PPP6R3: variants seen among roughly 807,000 people sequenced by gnomAD.
The protein encoded by PPP6R3 is protein phosphatase 6 regulatory subunit 3.
A neutral mutation model predicts 110.7 loss-of-function variants in PPP6R3; 38 were observed. The observed-to-expected ratio is 0.34, with a 90% CI of 0.26 to 0.45. The LOEUF (loss-of-function observed/expected upper bound fraction) is 0.45, where lower values mean the gene tolerates loss of function less well. Ranked by LOEUF, PPP6R3 falls within the 20% of genes least tolerant of loss-of-function variation. The pLI is 1.00. For synonymous variants in PPP6R3, 369 were observed against 373.5 expected (o/e 0.99, Z 0.14); for missense variants, 870 against 1,062.4 (o/e 0.82, Z 2.52).
chr11:68,569,608 A>AC lies in PPP6R3; in HGVS notation c.1129-139dup, dbSNP rs1278949664. ...TGTGGTTATGCAAGTACTAATGTGA[A>AC]CTCAGGTTCCTTTTAATTGGTCCTT... On this transcript the variant is annotated intron_variant, in intron 10 of 23. Coordinates refer to ENST00000393800, the MANE Select transcript of PPP6R3 (RefSeq NM_001164161.2). The AC allele has an allele frequency of 2.4e-5, 16 of 675,010 alleles. No individual in the cohort carries two copies. In the Admixed American group the frequency reaches 5.3e-4, roughly 22 times the overall value. The allele number at this position is 675,010 out of a possible 1,614,324, so 41.8% of individuals were successfully genotyped here.
chr11:68,466,493 C>T (rs1205103898), intron 1 of PPP6R3, among the ~76,000 whole-genome samples: 2 of 145,938 alleles, frequency 1.4e-5, no homozygotes, highest in East Asian at 4.0e-4. Flanking sequence ...GGCTGGAGTG[C>T]AGTGGCGTGG....
chr11:68,564,331 C>T lies in PPP6R3; in HGVS notation c.874C>T (p.Pro292Ser). The T allele has an allele frequency of 6.2e-7, 1 of 1,612,720 alleles. No individual in the cohort carries two copies. The highest frequency in any genetic ancestry group is 1.3e-5 in the African/African-American group (1 of 75,004). Residue 292 changes from proline to serine, a missense_variant, in exon 9 of 24, where the codon CCA becomes TCA. Transcript: ENST00000393800. ...TGAAGGCCATATAGAGATCTGCCCA[C>T]CAGGCATGAGCCATTCAGCTTGTTC... ...TFEGHIEICPPGMSHSACSVN... is the reference protein window; with the variant it reads ...TFEGHIEICPSGMSHSACSVN...
intron 16 of PPP6R3, among the ~76,000 whole-genome samples, chr11:68,589,718 C>A (rs540473934): frequency 6.6e-6 from 1 of 152,314 alleles, no homozygotes; most frequent in African/African-American, 2.4e-5. Flanking sequence ...TGAACCACAG[C>A]CAGTGGAGCC....
At chr11:68,570,612 T>C (rs1012338079) in intron 11 of PPP6R3, among the ~76,000 whole-genome samples, 2 of 152,222 alleles carry the variant, frequency 1.3e-5, no homozygotes, top group Non-Finnish European at 2.9e-5. Flanking sequence ...TAATGTTAGT[T>C]CATCTGGAAG....
Position 68,477,577 on chromosome 11 carries a change from T to C in PPP6R3, c.-158+16750T>C, listed in dbSNP as rs115375279. ...CCATCTCTACACAAAATTTAAAAAA[T>C]TAGGTTGGTATGGCAGCGTGTGTCT... On this transcript the variant is annotated intron_variant, in intron 1 of 23. Transcript: ENST00000393800. Among the ~76,000 whole-genome samples the C allele has an allele frequency of 3.5e-3, 533 of 151,114 alleles. 3 individuals carry two copies. The highest frequency in any genetic ancestry group is 0.012 in the African/African-American group (492 of 41,066).
chr11:68,549,303 T>C (rs577223367), intron 5 of PPP6R3, among the ~76,000 whole-genome samples: 1 of 152,354 alleles, frequency 6.6e-6, no homozygotes, highest in African/African-American at 2.4e-5. Context: ...AAATGAGTTT[T>C]GTTGAGAATG....
chr11:68,595,658 T>C (rs941024079), intron 18 of PPP6R3, among the ~76,000 whole-genome samples: 1 of 152,224 alleles, frequency 6.6e-6, no homozygotes, highest in African/African-American at 2.4e-5. Flanking sequence ...AAGACTTGTG[T>C]ATAGAGTTAA....
rs1173863254 is a variant in PPP6R3, at chr11:68,542,400, T to TTTTTTTTTTTTC, written c.228-2427_228-2426insCTTTTTTTTTTT. Among the ~76,000 whole-genome samples, 109 of 63,372 alleles carry TTTTTTTTTTTTC rather than the reference T, an allele frequency of 1.7e-3. 12 individuals carry two copies. Among genetic ancestry groups the TTTTTTTTTTTTC allele is most frequent in the African/African-American group, 6.7e-3 (107 of 16,052 alleles). The allele number at this position is 63,372 out of a possible 152,430, so 41.6% of individuals were successfully genotyped here. ...CTTGAGAAGCTGCTGTTTTTTTTTT[T>TTTTTTTTTTTTC]TTTTTTTTTTTAAGACAGAGTCTTG... On this transcript the variant is annotated intron_variant, in intron 3 of 23. Coordinates refer to ENST00000393800, the MANE Select transcript of PPP6R3 (RefSeq NM_001164161.2).
intron 4 of PPP6R3, 122 bp from the exon 5 acceptor site, chr11:68,547,945 A>G: frequency 4.0e-6 from 4 of 991,602 alleles, no homozygotes; most frequent in Non-Finnish European, 4.3e-6. Flanking sequence ...CTAATTCAGC[A>G]TTTGCCATTT....
chr11:68,573,114 TTATATATATATATATA>T (rs60848718), intron 12 of PPP6R3, among the ~76,000 whole-genome samples: 7,611 of 61,856 alleles, frequency 0.12, 715 homozygotes, highest in Middle Eastern at 0.18. Flanking sequence ...TTTACTTATT[TTATATATATATATATA>T]TATATATATA....
At chr11:68,497,967 G>T (rs368648707) in intron 1 of PPP6R3, among the ~76,000 whole-genome samples, 3 of 152,072 alleles carry the variant, frequency 2.0e-5, no homozygotes, top group Non-Finnish European at 4.4e-5. Context: ...GGATATTTAG[G>T]AACCATGTAT....
chr11:68,606,608 G>A (rs371558012), intron 22 of PPP6R3, among the ~76,000 whole-genome samples: 4 of 151,456 alleles, frequency 2.6e-5, no homozygotes, highest in South Asian at 4.2e-4. Flanking sequence ...GAGCCACCGC[G>A]CCTGGCAATG....
At chr11:68,522,124 A>G (rs978476933) in intron 2 of PPP6R3, among the ~76,000 whole-genome samples, 6 of 152,254 alleles carry the variant, frequency 3.9e-5, no homozygotes, top group African/African-American at 9.6e-5. Flanking sequence ...GCTTTTTAGC[A>G]TGTCATTACA....
chr11:68,489,374 T>C (rs1367519781), intron 1 of PPP6R3, among the ~76,000 whole-genome samples: 1 of 152,180 alleles, frequency 6.6e-6, no homozygotes, highest in East Asian at 1.9e-4. Flanking sequence ...TTATCTTCTT[T>C]CTTAGCATAT....
chr11:68,613,002 A>G lies in PPP6R3; in HGVS notation c.2571-64A>G, dbSNP rs773167836. 40 of 1,612,608 alleles carry G rather than the reference A, an allele frequency of 2.5e-5. No homozygotes were observed. In the East Asian group the frequency reaches 6.0e-4, roughly 24 times the overall value. On this transcript the variant is annotated intron_variant, in intron 23 of 23. Coordinates refer to ENST00000393800, the MANE Select transcript of PPP6R3 (RefSeq NM_001164161.2). ...GTCCCTGCCCTTGGGGAGCTCAGCT[A>G]AGTAGGTTTTGTTTTTCATATTTCT... is the stretch of plus-strand genomic sequence containing the variant.
intron 3 of PPP6R3, among the ~76,000 whole-genome samples, chr11:68,540,601 GA>G (rs1424534410): frequency 3.9e-5 from 6 of 152,164 alleles, no homozygotes; most frequent in Non-Finnish European, 5.9e-5. Context: ...TGTTAGGCGG[GA>G]AGTTCCTCTT....
At chr11:68,521,389 TTCTC>T (rs929112734) in intron 2 of PPP6R3, among the ~76,000 whole-genome samples, 4 of 152,362 alleles carry the variant, frequency 2.6e-5, no homozygotes, top group Admixed American at 6.5e-5. Context: ...GAGACTTTCC[TTCTC>T]TCTCCTTGTT....
chr11:68,523,191 AGT>A (rs1383308251), intron 2 of PPP6R3, among the ~76,000 whole-genome samples: 1 of 152,182 alleles, frequency 6.6e-6, no homozygotes, highest in Non-Finnish European at 1.5e-5. Context: ...AATTCTCTTC[AGT>A]GTGGTCAGAT....
chr11:68,612,663 G>A (rs1328080516), intron 23 of PPP6R3, among the ~76,000 whole-genome samples: 1 of 151,132 alleles, frequency 6.6e-6, no homozygotes. Flanking sequence ...GTTTCCAAGT[G>A]AAATAGTATG....
Sources: allele counts gnomAD v4.1 joint callset (sites outside exome capture counted in the v4.1 genomes callset), GRCh38; gene constraint gnomAD v4.1.1; transcripts MANE v1.5; gene names NCBI Gene and HGNC (gene_info 2026-07-23, HGNC 2026-07-21).